Variants in DLG2 observed in about 807,000 individuals in gnomAD.
DLG2 encodes discs large MAGUK scaffold protein 2, also known as disks large homolog 2.
In DLG2, 45 loss-of-function variants were observed where a neutral mutation model predicts 132.5. The ratio of observed to expected loss-of-function variants is 0.34; its 90% CI spans 0.27 to 0.44. The LOEUF is 0.44. Among genes scored for constraint, DLG2 ranks in the 20% least tolerant of loss-of-function variants. The pLI, the probability that DLG2 is intolerant of heterozygous loss-of-function variation, is 1.00. For missense variants in DLG2, 1,045 were observed against 1,196.9 expected, an observed-to-expected ratio of 0.87 and a Z score of 1.87; for synonymous variants, 424 against 419.6, an observed-to-expected ratio of 1.01 and a Z score of -0.13.
intron 7 of DLG2, among the ~76,000 whole-genome samples, chr11:84,489,970 C>T (rs550204426): frequency 1.3e-5 from 2 of 151,548 alleles, no homozygotes; most frequent in South Asian, 2.1e-4. Flanking sequence ...AGAGGAAGTA[C>T]CAAAAGAAAA....
At chr11:83,992,541 G>A (rs981601263) in intron 11 of DLG2, among the ~76,000 whole-genome samples, 1 of 152,084 alleles carries the variant, frequency 6.6e-6, no homozygotes, top group Non-Finnish European at 1.5e-5. Flanking sequence ...AGATAACATG[G>A]CTTAGTTGAG....
At chr11:83,964,332 AAAC>A (rs1174151152) in intron 13 of DLG2, among the ~76,000 whole-genome samples, 1 of 152,038 alleles carries the variant, frequency 6.6e-6, no homozygotes. Flanking sequence ...GCCAGCTTGA[AAAC>A]ATACATATTT....
intron 7 of DLG2, among the ~76,000 whole-genome samples, chr11:84,532,191 A>T (rs2099344507): frequency 6.7e-6 from 1 of 148,532 alleles, no homozygotes; most frequent in Non-Finnish European, 1.5e-5. Flanking sequence ...CTAATTATAA[A>T]ATTTGGACTC....
At chr11:84,668,736 T>C (rs946044927) in intron 6 of DLG2, among the ~76,000 whole-genome samples, 11 of 152,178 alleles carry the variant, frequency 7.2e-5, no homozygotes, top group Non-Finnish European at 1.5e-4. Flanking sequence ...CCCTTAGTAA[T>C]AATTTTTATC....
chr11:83,850,423 G>A (rs111251733), intron 16 of DLG2, among the ~76,000 whole-genome samples: 35,241 of 152,058 alleles, frequency 0.23, 4,736 homozygotes, highest in Middle Eastern at 0.38. Flanking sequence ...AAAGTGCTGG[G>A]ATTACAGTCA....
chr11:84,004,512 CT>C (rs1321609229), intron 11 of DLG2, among the ~76,000 whole-genome samples: 4 of 151,950 alleles, frequency 2.6e-5, no homozygotes, highest in African/African-American at 9.7e-5. Flanking sequence ...AAGTTTCTCT[CT>C]AATAACTGGA....
At chr11:84,112,478 A>G (rs1184270882) in intron 9 of DLG2, among the ~76,000 whole-genome samples, 1 of 151,680 alleles carries the variant, frequency 6.6e-6, no homozygotes, top group African/African-American at 2.4e-5. Flanking sequence ...TGAATAAAAC[A>G]ATATCTTTTT....
At chr11:84,507,249 C>CAG in intron 7 of DLG2, among the ~76,000 whole-genome samples, 1 of 152,182 alleles carries the variant, frequency 6.6e-6, no homozygotes, top group Non-Finnish European at 1.5e-5. Context: ...AAGGGAGAAA[C>CAG]AGTTAAAAGA....
chr11:84,622,098 T>C (rs1206317701), intron 6 of DLG2, among the ~76,000 whole-genome samples: 1 of 152,212 alleles, frequency 6.6e-6, no homozygotes, highest in African/African-American at 2.4e-5. Flanking sequence ...TTTGACTTAA[T>C]AGTTTGTCCA....
intron 3 of DLG2, among the ~76,000 whole-genome samples, chr11:85,439,523 C>T (rs1056671145): frequency 6.6e-6 from 1 of 151,960 alleles, no homozygotes; most frequent in Non-Finnish European, 1.5e-5. Context: ...CCACACCCGG[C>T]TAATTTTTTG....
In DLG2 at chr11:83,456,896, CAAAT is replaced by C. The variant is rs1183078293; in HGVS notation, c.*2918_*2921del. ...ATTTGGGGCTGGGAAAAAAGGCCTGCAAATAAATAGCCAAGAAATCCCGCAAAAG... is the reference window on the plus strand; with the variant it reads ...ATTTGGGGCTGGGAAAAAAGGCCTGCAAATAGCCAAGAAATCCCGCAAAAG... On this transcript the variant is annotated 3_prime_UTR_variant, in exon 28 of 28. Coordinates refer to ENST00000376104, the MANE Select transcript of DLG2 (RefSeq NM_001142699.3). The C allele has an allele frequency of 1.3e-5, 2 of 152,448 alleles. No individual in the cohort carries two copies. 9.4% of individuals were successfully genotyped at this position (152,448 alleles called of 1,614,324 possible).
chr11:83,919,944 T>C (rs2154119717), intron 15 of DLG2, among the ~76,000 whole-genome samples: 1 of 152,328 alleles, frequency 6.6e-6, no homozygotes, highest in Non-Finnish European at 1.5e-5. Context: ...CTGATATCCA[T>C]CTTCATTTGG....
chr11:85,064,488 C>T (rs2064590907), intron 6 of DLG2, among the ~76,000 whole-genome samples: 1 of 151,708 alleles, frequency 6.6e-6, no homozygotes, highest in Admixed American at 6.6e-5. Context: ...TCGCCACTTA[C>T]ATATAAACAA....
chr11:85,149,945 G>C (rs1216064871), intron 5 of DLG2, among the ~76,000 whole-genome samples: 3 of 149,694 alleles, frequency 2.0e-5, no homozygotes, highest in African/African-American at 4.9e-5. Context: ...TACCTTTAAT[G>C]CTGATTCTGT....
intron 6 of DLG2, among the ~76,000 whole-genome samples, chr11:84,951,601 C>CACATATATAT (rs2050927497): frequency 1.3e-5 from 2 of 149,292 alleles, no homozygotes; most frequent in Non-Finnish European, 3.0e-5. Context: ...TATATATATA[C>CACATATATAT]ACATATATAT....
intron 6 of DLG2, among the ~76,000 whole-genome samples, chr11:84,602,244 A>C (rs529506012): frequency 9.9e-5 from 15 of 151,980 alleles, no homozygotes; most frequent in Admixed American, 2.0e-4. Context: ...TAAAATCAAT[A>C]CTTTGCATGC....
chr11:83,530,359 T>C (rs1331230569), intron 21 of DLG2, among the ~76,000 whole-genome samples: 1 of 151,922 alleles, frequency 6.6e-6, no homozygotes, highest in African/African-American at 2.4e-5. Flanking sequence ...ATTCTAGAAA[T>C]AGAAAGGGCA....
rs116288945 is a variant in DLG2 at position 84,463,521 on chromosome 11, C to T, written c.519+71049G>A. 3.1e-3 allele frequency among the ~76,000 whole-genome samples: 466 copies of T among 151,254 alleles called. 1 individual carries two copies. Among genetic ancestry groups the T allele is most frequent in the African/African-American group, 9.9e-3 (410 of 41,408 alleles). On this transcript the variant is annotated intron_variant, in intron 7 of 27. Transcript: ENST00000376104. ...GGCAGACAGTGCCTGAGCTCAACAC[C>T]GCTTGAGACAAGAGAAGGGGAGGAT...
intron 8 of DLG2, among the ~76,000 whole-genome samples, chr11:84,231,184 T>C (rs2097088232): frequency 1.3e-5 from 2 of 152,168 alleles, no homozygotes; most frequent in South Asian, 4.1e-4. Context: ...AAATGTAATA[T>C]AATGGTTGGC....
Sources: gnomAD v4.1 joint callset for allele counts (sites outside exome capture counted in the v4.1 genomes callset) on GRCh38, gnomAD v4.1.1 for gene constraint, MANE v1.5 for transcripts, NCBI Gene and HGNC (gene_info 2026-07-23, HGNC 2026-07-21) for gene names.